Variants in LRRC36 observed in about 807,000 individuals in gnomAD.
LRRC36 encodes the protein leucine-rich repeat-containing protein 36.
A neutral mutation model predicts 81.1 loss-of-function variants in LRRC36; 62 were observed. That is an observed-to-expected ratio of 0.76 (90% confidence interval 0.62 to 0.94). The LOEUF is 0.94. LRRC36 is among the 40% of genes least tolerant of loss of function. LRRC36 has a pLI of 0.00. For missense variants in LRRC36, 761 were observed against 881.7 expected (o/e 0.86, Z 1.73); for synonymous variants, 334 against 348.6 (o/e 0.96, Z 0.47).
chr16:67,344,176 G>A (rs2038235892), intron 2 of LRRC36, among the ~76,000 whole-genome samples: 1 of 151,976 alleles, frequency 6.6e-6, no homozygotes, highest in African/African-American at 2.4e-5. Flanking sequence ...AATTTTCCTG[G>A]GAGAAAATGT....
At chr16:67,348,937 A>G (rs1047662916) in intron 4 of LRRC36, among the ~76,000 whole-genome samples, 1 of 152,256 alleles carries the variant, frequency 6.6e-6, no homozygotes, top group South Asian at 2.1e-4. Context: ...TATGTTTTTT[A>G]GTGCAGCCTT....
chr16:67,339,856 A>G (rs1037836469), intron 1 of LRRC36, among the ~76,000 whole-genome samples: 1 of 152,144 alleles, frequency 6.6e-6, no homozygotes, highest in African/African-American at 2.4e-5. Context: ...TTTAAAGCTT[A>G]TGGGGGCCAG....
At chr16:67,368,875 T>C (rs994136333) in intron 8 of LRRC36, among the ~76,000 whole-genome samples, 3 of 152,124 alleles carry the variant, frequency 2.0e-5, no homozygotes, top group Non-Finnish European at 2.9e-5. Context: ...GGATCCAGGA[T>C]AAAGTGTGGG....
chr16:67,328,141 AG>A (rs1167040377), intron 1 of LRRC36, among the ~76,000 whole-genome samples: 2 of 152,080 alleles, frequency 1.3e-5, no homozygotes, highest in Admixed American at 6.6e-5. Context: ...AATTTGGTAG[AG>A]GGGGGAAATA....
rs374917054 is a variant in LRRC36 at position 67,354,081 on chromosome 16, G to A, written c.577+3791G>A. Among the ~76,000 whole-genome samples, 18 of 152,116 alleles carry A rather than the reference G, an allele frequency of 1.2e-4. No individual in the cohort carries two copies. The East Asian group carries it at 3.1e-3, about 26-fold the overall frequency. On this transcript the variant is annotated intron_variant, in intron 5 of 13. Coordinates refer to ENST00000329956, the MANE Select transcript of LRRC36 (RefSeq NM_018296.6). ...GCTCTATCTGTAATTTGTCTCTTCAGCCTAAGCTGAAAGCTTATCTCCTGT... is the reference window on the plus strand; with the variant it reads ...GCTCTATCTGTAATTTGTCTCTTCAACCTAAGCTGAAAGCTTATCTCCTGT...
intron 12 of LRRC36, among the ~76,000 whole-genome samples, chr16:67,381,743 C>T (rs553315504): frequency 1.4e-4 from 22 of 152,232 alleles, no homozygotes; most frequent in Middle Eastern, 3.4e-3. Flanking sequence ...CTCAGCCTCT[C>T]GAGCAGCTGG....
In LRRC36 at chr16:67,358,056, A is replaced by G. The variant is rs1399148733; in HGVS notation, c.578-5534A>G. 3.9e-5 allele frequency among the ~76,000 whole-genome samples: 6 copies of G among 152,336 alleles called. No homozygotes were observed. In the South Asian group the frequency reaches 8.3e-4, roughly 21 times the overall value. On this transcript the variant is annotated intron_variant, in intron 5 of 13. Coordinates refer to ENST00000329956, the MANE Select transcript of LRRC36 (RefSeq NM_018296.6). ...TATTTTGTATCTGAAGAAAAAGAAT[A>G]AACTGAAGTATAAGACAAGAAAAAA...
rs1002310024 is a variant in LRRC36 at position 67,371,146 on chromosome 16, G to A, written c.1398G>A (p.Arg466=). The change falls in exon 9 of 14, where the codon AGG becomes AGA. Residue 466 remains arginine, a synonymous_variant. Transcript: ENST00000329956. ...AACACAGAAAGATTTTTACCAAGAG[G>A]TCACTAAGCCCATCGAAGAGAGGAT... ...TSEHRKIFTK[R]SLSPSKRGFK... The A allele has an allele frequency of 1.2e-6, 2 of 1,614,054 alleles. No individual in the cohort carries two copies. The highest frequency in any genetic ancestry group is 1.3e-5 in the African/African-American group (1 of 74,912).
chr16:67,367,586 G>T, intron 8 of LRRC36, 129 bp downstream of exon 8: 1 of 798,852 alleles, frequency 1.3e-6, no homozygotes, highest in East Asian at 2.5e-5. Context: ...AGGGTCACCA[G>T]TGGTTCTTGG....
rs554952730 is a variant in LRRC36, at chr16:67,348,062, T to C, written c.488+471T>C. 7.2e-5 allele frequency among the ~76,000 whole-genome samples: 11 copies of C among 152,324 alleles called. 2 individuals are homozygous for C. In the South Asian group the frequency reaches 2.3e-3, roughly 32 times the overall value. ...ACATTGAGGCTCTAAAATTTCTGAA[T>C]GGTAGCTTTGTCCATTACTAAAATC... On this transcript the variant is annotated intron_variant, in intron 4 of 13. Transcript: ENST00000329956.
chr16:67,381,230 GAAAAAAAAAAA>G (rs1179228134), intron 12 of LRRC36, among the ~76,000 whole-genome samples: 3 of 41,122 alleles, frequency 7.3e-5, no homozygotes, highest in Non-Finnish European at 1.8e-4. Flanking sequence ...CTCTGCCTCA[GAAAAAAAAAAA>G]AAAAAAAAAA....
chr16:67,362,303 C>T, intron 5 of LRRC36: 1 of 376,148 alleles, frequency 2.7e-6, no homozygotes. Flanking sequence ...GCTGGGATTA[C>T]AGGTGTGCAC....
intron 12 of LRRC36, 94 bp downstream of exon 12, chr16:67,378,806 G>A (rs1366776076): frequency 9.8e-6 from 14 of 1,421,832 alleles, no homozygotes; most frequent in African/African-American, 2.9e-5. Context: ...GCTAGCTCAC[G>A]TGGCTGCCTT....
intron 5 of LRRC36, among the ~76,000 whole-genome samples, chr16:67,353,011 A>G (rs1261348504): frequency 6.6e-6 from 1 of 151,976 alleles, no homozygotes; most frequent in Non-Finnish European, 1.5e-5. Flanking sequence ...TATTTATTTT[A>G]TAGTCTTTCC....
In LRRC36 at chr16:67,326,906, TG is replaced by T. The variant is rs1342509162; in HGVS notation, c.49del (p.Ala17ArgfsTer2). 9 of 1,480,756 alleles carry T rather than the reference TG, an allele frequency of 6.1e-6. No homozygotes were observed. Among genetic ancestry groups the T allele is most frequent in the Admixed American group, 2.9e-5 (1 of 34,014 alleles). 91.7% of individuals were successfully genotyped at this position (1,480,756 alleles called of 1,614,324 possible). ...CTGGACGAGGAAGGCATTCGCCGCC[TG>T]GGGGCGCTGACGCTGGAGCAGCCGG... ...WELDEEGIRR[L>X]GALTLEQPEL... is the part of the protein sequence containing the mutation. On this transcript the variant is annotated frameshift_variant, in exon 1 of 14. Coordinates refer to ENST00000329956, the MANE Select transcript of LRRC36 (RefSeq NM_018296.6). LOFTEE classifies it high-confidence loss of function.
rs201005304 is a variant in LRRC36, at chr16:67,363,622, A to C, written c.610A>C (p.Asn204His). Residue 204 changes from asparagine to histidine, a missense_variant, in exon 6 of 14, where the codon AAC becomes CAC. Transcript: ENST00000329956. The stretch of plus-strand genomic sequence containing the variant: ...CAAAGGACTTTTTATTCCCTTCCCC[A>C]ACCGGGAAATAAAGGATTCCCTAAG... ...SNKGLFIPFP[N>H]REIKDSLSTS... The C allele has an allele frequency of 6.2e-7, 1 of 1,613,926 alleles. No individual in the cohort carries two copies. Among genetic ancestry groups the C allele is most frequent in the Admixed American group, 1.7e-5 (1 of 60,018 alleles).
intron 5 of LRRC36, among the ~76,000 whole-genome samples, chr16:67,357,263 A>G (rs2038943213): frequency 6.6e-6 from 1 of 152,256 alleles, no homozygotes; most frequent in African/African-American, 2.4e-5. Context: ...ATACAAGGTT[A>G]CTAAGATTAC....
At position 67,326,930 on chromosome 16, in the gene LRRC36, C is replaced by G. The variant is rs959683226; in HGVS notation, c.68C>G (p.Pro23Arg). The change falls in exon 1 of 14, where the codon CCG becomes CGG. Residue 23 changes from proline (P) to arginine (R), a missense_variant and splice_region_variant. This residue lies in a region of LRRC36 where 263 missense variants were observed against 279.3 expected (regional missense o/e 0.94). Coordinates refer to ENST00000329956, the MANE Select transcript of LRRC36 (RefSeq NM_018296.6). ...CTGGGGGCGCTGACGCTGGAGCAGC[C>G]GGGTAGGGTCTGGCCGGGAGGGTGT... ...RRLGALTLEQ[P>R]ELVESLSLQG... 3.3e-6 allele frequency: 5 copies of G among 1,497,414 alleles called. No individual in the cohort carries two copies. The highest frequency in any genetic ancestry group is 2.6e-5 in the Admixed American group (1 of 37,778). The allele number at this position is 1,497,414 out of a possible 1,614,324, so 92.8% of individuals were successfully genotyped here.
intron 5 of LRRC36, among the ~76,000 whole-genome samples, chr16:67,357,955 T>G (rs1186810417): frequency 6.6e-6 from 1 of 152,230 alleles, no homozygotes; most frequent in Admixed American, 6.5e-5. Context: ...CCTGTCGCAT[T>G]GATTATATGG....
Sources: gnomAD v4.1 joint callset for allele counts (sites outside exome capture counted in the v4.1 genomes callset) on GRCh38, gnomAD v4.1.1 for gene constraint, gnomAD v4.1.1 regional missense constraint, MANE v1.5 for transcripts, NCBI Gene and HGNC (gene_info 2026-07-23, HGNC 2026-07-21) for gene names.